The following APAF1 variants were observed in gnomAD, a reference collection of about 807,000 sequenced individuals.
APAF1 encodes the protein apoptotic peptidase activating factor 1.
Under a neutral mutation model 152.4 loss-of-function variants are expected in APAF1, and 91 were observed. The observed-to-expected ratio is 0.60, with a 90% CI of 0.50 to 0.71. The LOEUF is 0.71. Among genes scored for constraint, APAF1 ranks in the 30% least tolerant of loss-of-function variants. The pLI is 0.00. For synonymous variants in APAF1, 484 were observed against 494.1 expected (o/e 0.98, Z 0.27); for missense variants, 1,283 against 1,472.0 (o/e 0.87, Z 2.10).
intron 22 of APAF1, 133 bp from the exon 23 acceptor site, chr12:98,723,060 C>T (rs1593114791): frequency 1.1e-6 from 1 of 921,334 alleles, no homozygotes; most frequent in Admixed American, 1.9e-5. Context: ...AGTCTTCTCT[C>T]TTATTCCTCT....
At chr12:98,705,042 C>T (rs946268992) in intron 18 of APAF1, among the ~76,000 whole-genome samples, 5 of 152,060 alleles carry the variant, frequency 3.3e-5, no homozygotes, top group Non-Finnish European at 7.4e-5. Context: ...CCTCAGCCTC[C>T]CAAAGTGCTG....
At chr12:98,722,703 A>G (rs1485824871) in intron 22 of APAF1, among the ~76,000 whole-genome samples, 2 of 151,936 alleles carry the variant, frequency 1.3e-5, no homozygotes, top group Non-Finnish European at 2.9e-5. Context: ...GCGATGGGGG[A>G]TAGCTGAGAT....
intron 12 of APAF1, among the ~76,000 whole-genome samples, chr12:98,673,541 A>G (rs150592308): frequency 3.5e-4 from 53 of 152,312 alleles, no homozygotes; most frequent in African/African-American, 9.4e-4. Flanking sequence ...GAAATAATAA[A>G]TATGAGTGGC....
At chr12:98,725,160 C>A (rs888879698) in intron 24 of APAF1, among the ~76,000 whole-genome samples, 2 of 152,174 alleles carry the variant, frequency 1.3e-5, no homozygotes, top group African/African-American at 4.8e-5. Context: ...TTAGCTGATT[C>A]AGTGTTCTTC....
rs111495253 is a variant in APAF1, at chr12:98,734,488, C to G, written c.*1922C>G. 3.3e-5 allele frequency: 5 copies of G among 152,378 alleles called. No individual in the cohort carries two copies. Among genetic ancestry groups the G allele is most frequent in the African/African-American group, 1.2e-4 (5 of 41,408 alleles). The allele number at this position is 152,378 out of a possible 1,614,324, so 9.4% of individuals were successfully genotyped here. A position where few individuals can be genotyped will look rare whatever the true frequency, so the allele number is the denominator to read the frequency against. ...TTTGTTTCTGTAACTGGAACTAAAT[C>G]AAATGATTACTAGTGTTAATAGTAG... On this transcript the variant is annotated 3_prime_UTR_variant, in exon 27 of 27. Coordinates refer to ENST00000551964, the MANE Select transcript of APAF1 (RefSeq NM_181861.2).
rs180963620 is a variant in APAF1 at position 98,724,539 on chromosome 12, G to A, written c.3330+775G>A. Among the ~76,000 whole-genome samples, 85 of 152,156 alleles carry A rather than the reference G, an allele frequency of 5.6e-4. 2 individuals are homozygous for A. The highest frequency in any genetic ancestry group is 1.9e-3 in the African/African-American group (80 of 41,500). On this transcript the variant is annotated intron_variant, in intron 24 of 26. Coordinates refer to ENST00000551964, the MANE Select transcript of APAF1 (RefSeq NM_181861.2). ...TCTTTTTGTGCATGCTGCTAACTTT[G>A]GTTTGATAAACCTTCTACTCTTTTA...
intron 21 of APAF1, 49 bp from the exon 22 acceptor site, chr12:98,715,378 A>G (rs1361056146): frequency 6.3e-7 from 1 of 1,585,710 alleles, no homozygotes; most frequent in Non-Finnish European, 8.6e-7. Flanking sequence ...TGTAATGCCT[A>G]TGTATTGCTT....
intron 10 of APAF1, among the ~76,000 whole-genome samples, chr12:98,670,085 C>G (rs531858948): frequency 2.0e-5 from 3 of 152,036 alleles, no homozygotes; most frequent in Non-Finnish European, 2.9e-5. Flanking sequence ...GCTGGGAGCA[C>G]GGGTGTGCAC....
intron 14 of APAF1, 62 bp from the exon 15 acceptor site, chr12:98,683,081 G>C (rs373998929): frequency 1.4e-5 from 19 of 1,337,866 alleles, no homozygotes; most frequent in Middle Eastern, 1.8e-4. Flanking sequence ...ACATTGCTTT[G>C]CCCCTCTGTT....
At chr12:98,660,804 G>A (rs1235549172) in intron 5 of APAF1, among the ~76,000 whole-genome samples, 1 of 152,162 alleles carries the variant, frequency 6.6e-6, no homozygotes, top group Non-Finnish European at 1.5e-5. Context: ...ATGCCCTAAT[G>A]CACCCAAGGA....
chr12:98,701,053 T>C (rs1395463337), intron 17 of APAF1, among the ~76,000 whole-genome samples: 1 of 152,186 alleles, frequency 6.6e-6, no homozygotes. Flanking sequence ...GTAACCAATG[T>C]ACAGATCAAA....
chr12:98,701,303 T>A (rs1441162308), intron 17 of APAF1, among the ~76,000 whole-genome samples: 1 of 152,216 alleles, frequency 6.6e-6, no homozygotes, highest in Admixed American at 6.5e-5. Context: ...TTTTGGCTAC[T>A]GTGAATAATG....
chr12:98,715,040 C>A (rs2097732513), intron 21 of APAF1, among the ~76,000 whole-genome samples: 1 of 146,122 alleles, frequency 6.8e-6, no homozygotes, highest in African/African-American at 2.5e-5. Flanking sequence ...CCAGGACTTA[C>A]TTACTTTCTT....
intron 4 of APAF1, among the ~76,000 whole-genome samples, chr12:98,650,200 A>C (rs561643253): frequency 1.3e-5 from 2 of 150,002 alleles, no homozygotes; most frequent in Non-Finnish European, 3.0e-5. Context: ...GTAGTTAATA[A>C]TTTTTTTTTT....
At chr12:98,679,628 T>G (rs1020481594) in intron 13 of APAF1, among the ~76,000 whole-genome samples, 10 of 152,212 alleles carry the variant, frequency 6.6e-5, no homozygotes, top group African/African-American at 2.2e-4. Context: ...AGCCCAGACT[T>G]GGGAGCTCCC....
At chr12:98,693,849 T>A (rs2097707031) in intron 16 of APAF1, among the ~76,000 whole-genome samples, 2 of 150,546 alleles carry the variant, frequency 1.3e-5, no homozygotes, top group African/African-American at 4.9e-5. Flanking sequence ...TGGTGGAGAA[T>A]CTCCTCTAGC....
At chr12:98,659,932 G>A (rs1449524834) in intron 5 of APAF1, among the ~76,000 whole-genome samples, 1 of 152,142 alleles carries the variant, frequency 6.6e-6, no homozygotes, top group Non-Finnish European at 1.5e-5. Flanking sequence ...TTCAGGAAAT[G>A]TCTTAAGTAG....
At position 98,681,153 on chromosome 12, in the gene APAF1, C is replaced by T. The variant is rs367694884; in HGVS notation, c.2046+751C>T. On this transcript the variant is annotated intron_variant, in intron 14 of 26. Transcript: ENST00000551964. ...CTCGGCTCACTGCAATCTCTGCCTC[C>T]AGGATTCAATTGATTCTTATGCCTC... Among the ~76,000 whole-genome samples the T allele has an allele frequency of 5.3e-5, 8 of 152,302 alleles. 1 individual carries two copies. The highest frequency in any genetic ancestry group is 1.9e-4 in the East Asian group (1 of 5,180).
rs763928339 is a variant in APAF1 at position 98,706,503 on chromosome 12, C to T, written c.2614C>T (p.Arg872Cys). ...TCTGTAGTTGTGGAATACAGACTCA[C>T]GTTCAAAGGTGGCTGATTGCAGAGG... ...YCVELWNTDS[R>C]SKVADCRGHL... The change falls in exon 19 of 27, where the codon CGT becomes TGT. Residue 872 changes from arginine (R) to cysteine (C), a missense_variant. Transcript: ENST00000551964. 2.0e-5 allele frequency: 33 copies of T among 1,613,870 alleles called. No homozygotes were observed. Among genetic ancestry groups the T allele is most frequent in the Non-Finnish European group, 2.7e-5 (32 of 1,179,898 alleles).
Sources: gnomAD v4.1 joint callset for allele counts (sites outside exome capture counted in the v4.1 genomes callset) on GRCh38, gnomAD v4.1.1 for gene constraint, MANE v1.5 for transcripts, NCBI Gene and HGNC (gene_info 2026-07-23, HGNC 2026-07-21) for gene names.